RIMBP2: variants seen among roughly 807,000 people sequenced by gnomAD.
RIMBP2 encodes RIMS-binding protein 2.
In RIMBP2, 48 loss-of-function variants were observed where a neutral mutation model predicts 118.6. The observed-to-expected ratio is 0.40, with a 90% CI of 0.32 to 0.51. The LOEUF (loss-of-function observed/expected upper bound fraction) is 0.51, where lower values mean the gene tolerates loss of function less well. Ranked by LOEUF, RIMBP2 falls within the 20% of genes least tolerant of loss-of-function variation. The pLI is 0.41. For missense variants in RIMBP2, 1,551 were observed against 1,768.3 expected, an observed-to-expected ratio of 0.88 and a Z score of 2.20; for synonymous variants, 762 against 742.9, an observed-to-expected ratio of 1.03 and a Z score of -0.42.
chr12:130,425,152 C>A, intron 15 of RIMBP2: 1 of 297,786 alleles, frequency 3.4e-6, no homozygotes, highest in Non-Finnish European at 6.2e-6. Flanking sequence ...GAGATCCCGG[C>A]GGCACATCAG....
rs1172407912 is a variant in RIMBP2, at chr12:130,422,599, A to G, written c.3130-38T>C. 6.9e-7 allele frequency: 1 copy of G among 1,439,634 alleles called. No individual in the cohort carries two copies. Among genetic ancestry groups the G allele is most frequent in the Admixed American group, 2.0e-5 (1 of 51,256 alleles). The allele number at this position is 1,439,634 out of a possible 1,614,324, so 89.2% of individuals were successfully genotyped here. On this transcript the variant is annotated intron_variant, in intron 16 of 22. Transcript: ENST00000690449. This position sits in a 1 kb window ranked among gnomAD's most constrained non-coding sequence, Gnocchi z 5.2. Reference sequence around the variant, plus strand: ...CAACAACAAAGTCGTAAGTCTCGCCAGCATTGGGAACTGAAGAATTCAGTT... The same window carrying G: ...CAACAACAAAGTCGTAAGTCTCGCCGGCATTGGGAACTGAAGAATTCAGTT...
At chr12:130,587,177 TAAC>T (rs2058945136) in intron 2 of RIMBP2, among the ~76,000 whole-genome samples, 1 of 132,586 alleles carries the variant, frequency 7.5e-6, no homozygotes, top group Non-Finnish European at 1.7e-5. Flanking sequence ...AGTCAGGAAA[TAAC>T]AGGTGCTGGA....
At chr12:130,605,165 G>A (rs11615138) in intron 2 of RIMBP2, among the ~76,000 whole-genome samples, 69,390 of 151,982 alleles carry the variant, frequency 0.46, 16,328 homozygotes, top group Admixed American at 0.56. Context: ...ACACAGGACT[G>A]TGAAAGTATA....
intron 2 of RIMBP2, among the ~76,000 whole-genome samples, chr12:130,531,006 T>C (rs4332555): frequency 0.75 from 113,465 of 152,108 alleles, 42,461 homozygotes; most frequent in East Asian, 0.84. Flanking sequence ...ATCACTTTGA[T>C]TGATGACCGA....
chr12:130,610,549 TG>T (rs1395023774), intron 2 of RIMBP2, among the ~76,000 whole-genome samples: 3 of 135,136 alleles, frequency 2.2e-5, no homozygotes, highest in Non-Finnish European at 4.7e-5. Flanking sequence ...GTAATTTTCC[TG>T]CTTTTTTTTT....
rs1160834657 is a variant in RIMBP2 at position 130,419,267 on chromosome 12, C to T, written c.3238+3186G>A. Among the ~76,000 whole-genome samples the T allele has an allele frequency of 6.6e-6, 1 of 152,152 alleles. No homozygotes were observed. Among genetic ancestry groups the T allele is most frequent in the Non-Finnish European group, 1.5e-5 (1 of 68,026 alleles). On this transcript the variant is annotated intron_variant, in intron 17 of 22. Coordinates refer to ENST00000690449, the MANE Select transcript of RIMBP2 (RefSeq NM_001393629.1). This position sits in a 1 kb window ranked among gnomAD's most constrained non-coding sequence, Gnocchi z 4.3. Reference sequence around the variant, plus strand: ...TGTCTGACCCTGGGGGGAGTGGGCACTGCCTCCCATCCTGCTGAGGAAGTG... The same window carrying T: ...TGTCTGACCCTGGGGGGAGTGGGCATTGCCTCCCATCCTGCTGAGGAAGTG...
chr12:130,435,681 T>C (rs940393650), intron 13 of RIMBP2, among the ~76,000 whole-genome samples: 1 of 152,220 alleles, frequency 6.6e-6, no homozygotes, highest in African/African-American at 2.4e-5. Flanking sequence ...AAGGGCTTCC[T>C]TTATAGAAAG....
chr12:130,555,449 G>A (rs922419331), intron 2 of RIMBP2, among the ~76,000 whole-genome samples: 13 of 152,160 alleles, frequency 8.5e-5, no homozygotes, highest in African/African-American at 2.9e-4. Flanking sequence ...TTTAGCCTCT[G>A]AACTTTATTC....
chr12:130,460,220 A>C (rs1379315682), intron 6 of RIMBP2, among the ~76,000 whole-genome samples: 5 of 152,144 alleles, frequency 3.3e-5, no homozygotes, highest in Admixed American at 3.3e-4. Context: ...GGGAACCCTC[A>C]GCTCTAGGTA....
chr12:130,482,683 C>T (rs1752742167), intron 4 of RIMBP2, among the ~76,000 whole-genome samples: 1 of 152,250 alleles, frequency 6.6e-6, no homozygotes, highest in Non-Finnish European at 1.5e-5. Flanking sequence ...AAAACAAAAC[C>T]AGCTCTCTTG....
intron 2 of RIMBP2, among the ~76,000 whole-genome samples, chr12:130,587,158 T>C (rs1177018367): frequency 6.6e-6 from 1 of 151,120 alleles, no homozygotes; most frequent in East Asian, 2.0e-4. Flanking sequence ...AGAATGGTGA[T>C]CATTAAAAAG....
Position 130,396,232 on chromosome 12 carries a change from A to ATAAT in RIMBP2, c.*1125_*1128dup, listed in dbSNP as rs2074065285. ...CTTAACCACACATGGATTTCCTTTA[A>ATAAT]TAATAAATCTACCACATACTATTAT... On this transcript the variant is annotated 3_prime_UTR_variant, in exon 23 of 23. Transcript: ENST00000690449. 2 of 152,672 alleles carry ATAAT rather than the reference A, an allele frequency of 1.3e-5. No individual in the cohort carries two copies. The highest frequency in any genetic ancestry group is 4.8e-5 in the African/African-American group (2 of 41,456). 9.5% of individuals were successfully genotyped at this position (152,672 alleles called of 1,614,324 possible).
intron 4 of RIMBP2, among the ~76,000 whole-genome samples, chr12:130,483,877 A>T (rs569628266): frequency 6.9e-6 from 1 of 144,150 alleles, no homozygotes; most frequent in Admixed American, 6.9e-5. Flanking sequence ...TCACCTACAC[A>T]CAGTGCCCGG....
chr12:130,436,755 C>A, intron 13 of RIMBP2, 87 bp downstream of exon 13: 1 of 1,121,930 alleles, frequency 8.9e-7, no homozygotes, highest in East Asian at 3.2e-5. Flanking sequence ...GATGCGGGTC[C>A]CCCTCCATGG....
intron 14 of RIMBP2, chr12:130,430,118 G>A (rs992266148): frequency 6.6e-6 from 1 of 152,266 alleles, no homozygotes; most frequent in African/African-American, 2.4e-5. Flanking sequence ...GCATTTCAGT[G>A]AGATGTCTAG....
intron 2 of RIMBP2, among the ~76,000 whole-genome samples, chr12:130,626,746 C>T (rs1470386503): frequency 6.6e-6 from 1 of 151,566 alleles, no homozygotes; most frequent in Non-Finnish European, 1.5e-5. Context: ...GCATCATCAC[C>T]ATCTCCTCTG....
chr12:130,576,831 C>T lies in RIMBP2; in HGVS notation c.-217+51491G>A, dbSNP rs1024858984. Among the ~76,000 whole-genome samples the T allele has an allele frequency of 6.6e-5, 10 of 152,326 alleles. No individual in the cohort carries two copies. Among genetic ancestry groups the T allele is most frequent in the Middle Eastern group, 3.4e-3 (1 of 294 alleles). ...ATTGCAGGATGGCGTGTTTCCATCGCGTGTCCAGGCGCAGTGCCTGGGAGC... is the reference window on the plus strand; with the variant it reads ...ATTGCAGGATGGCGTGTTTCCATCGTGTGTCCAGGCGCAGTGCCTGGGAGC... On this transcript the variant is annotated intron_variant, in intron 2 of 22. Coordinates refer to ENST00000690449, the MANE Select transcript of RIMBP2 (RefSeq NM_001393629.1). This position sits in a 1 kb window ranked among gnomAD's most constrained non-coding sequence, Gnocchi z 4.2.
chr12:130,458,714 C>T (rs2079677349), intron 6 of RIMBP2, among the ~76,000 whole-genome samples: 1 of 120,300 alleles, frequency 8.3e-6, no homozygotes, highest in African/African-American at 3.0e-5. Flanking sequence ...ATGTAACTGG[C>T]ACACCCATTC....
intron 15 of RIMBP2, chr12:130,425,101 C>T: frequency 2.7e-6 from 1 of 370,014 alleles, no homozygotes; most frequent in Non-Finnish European, 4.8e-6. Flanking sequence ...GCGGGCCGGG[C>T]AGGAGCCAGC....
Sources: allele counts gnomAD v4.1 joint callset (sites outside exome capture counted in the v4.1 genomes callset), GRCh38; gene constraint gnomAD v4.1.1; non-coding constraint Gnocchi (gnomAD v3.1); transcripts MANE v1.5; gene names NCBI Gene and HGNC (gene_info 2026-07-23, HGNC 2026-07-21).